PTPRD: variants seen among roughly 807,000 people sequenced by gnomAD.
PTPRD encodes the protein receptor-type tyrosine-protein phosphatase delta.
Under a neutral mutation model 214.5 loss-of-function variants are expected in PTPRD, and 34 were observed. That is an observed-to-expected ratio of 0.16 (90% CI 0.12 to 0.21). PTPRD has a LOEUF of 0.21. Ranked by LOEUF, PTPRD falls within the 10% of genes least tolerant of loss-of-function variation. The probability of loss-of-function intolerance (pLI) is 1.00; values close to 1 mark genes in which losing one functional copy is unlikely to be tolerated. For synonymous variants in PTPRD, 1,128 were observed against 845.7 expected, an observed-to-expected ratio of 1.33 and a Z score of -5.79; for missense variants, 2,545 against 2,398.7, an observed-to-expected ratio of 1.06 and a Z score of -1.27.
intron 5 of PTPRD, among the ~76,000 whole-genome samples, chr9:9,828,427 C>G (rs1392789887): frequency 6.6e-6 from 1 of 152,106 alleles, no homozygotes; most frequent in South Asian, 2.1e-4. Context: ...TGCATGTTCT[C>G]ACTCATAGGT....
chr9:8,369,155 A>C (rs146500511), intron 39 of PTPRD, among the ~76,000 whole-genome samples: 3 of 152,182 alleles, frequency 2.0e-5, no homozygotes, highest in Admixed American at 6.5e-5. Flanking sequence ...TGAATGGAAC[A>C]TTAGAAGAAA....
intron 9 of PTPRD, among the ~76,000 whole-genome samples, chr9:9,348,246 C>G (rs947389335): frequency 3.9e-5 from 6 of 152,166 alleles, no homozygotes; most frequent in African/African-American, 1.4e-4. Flanking sequence ...TGGGTGATCT[C>G]AATTTACTTA....
At position 9,102,190 on chromosome 9, in the gene PTPRD, C is replaced by T. The variant is rs142932753; in HGVS notation, c.-143+81114G>A. ...TTTATAAATATGTAGGTTGTAGCTG[C>T]TCCATTATTTTTAATAGCTTTTCAT... On this transcript the variant is annotated intron_variant, in intron 10 of 45. Coordinates refer to ENST00000381196, the MANE Select transcript of PTPRD (RefSeq NM_002839.4). Among the ~76,000 whole-genome samples, 319 of 152,170 alleles carry T rather than the reference C, an allele frequency of 2.1e-3. 2 individuals are homozygous for T. The highest frequency in any genetic ancestry group is 3.5e-3 in the Non-Finnish European group (238 of 68,014).
intron 9 of PTPRD, among the ~76,000 whole-genome samples, chr9:9,269,025 T>A (rs1941573106): frequency 6.7e-6 from 1 of 149,318 alleles, no homozygotes. Context: ...CACATCAAGC[T>A]GAAAAGTTTC....
At chr9:9,957,317 A>G (rs934053292) in intron 4 of PTPRD, among the ~76,000 whole-genome samples, 4 of 152,154 alleles carry the variant, frequency 2.6e-5, no homozygotes, top group African/African-American at 9.6e-5. Flanking sequence ...TTAATGTACA[A>G]CCTAAAATTA....
intron 14 of PTPRD, among the ~76,000 whole-genome samples, chr9:8,567,454 T>C (rs1025972537): frequency 3.3e-5 from 5 of 152,188 alleles, no homozygotes; most frequent in African/African-American, 1.2e-4. Flanking sequence ...GCACATGTCC[T>C]TCTTCACTAA....
chr9:10,363,617 A>G (rs1379456953), intron 2 of PTPRD, among the ~76,000 whole-genome samples: 1 of 152,222 alleles, frequency 6.6e-6, no homozygotes, highest in Non-Finnish European at 1.5e-5. Flanking sequence ...ATATTTAACC[A>G]TTTGAAAAGG....
chr9:9,326,049 G>C (rs530837946), intron 9 of PTPRD, among the ~76,000 whole-genome samples: 3 of 152,114 alleles, frequency 2.0e-5, no homozygotes, highest in Admixed American at 6.6e-5. Flanking sequence ...AAGCCAACTC[G>C]ATCTTGGTGG....
chr9:8,452,333 ATT>A (rs2095992079), intron 33 of PTPRD, among the ~76,000 whole-genome samples: 1 of 152,228 alleles, frequency 6.6e-6, no homozygotes, highest in South Asian at 2.1e-4. Flanking sequence ...TGCTAGAATG[ATT>A]GTTTTCTAAC....
intron 2 of PTPRD, among the ~76,000 whole-genome samples, chr9:10,348,652 T>C (rs2154451740): frequency 6.6e-6 from 1 of 152,330 alleles, no homozygotes; most frequent in East Asian, 1.9e-4. Flanking sequence ...CATATAACAT[T>C]TGTTACGTTA....
chr9:9,599,270 C>A (rs2093586036), intron 7 of PTPRD, among the ~76,000 whole-genome samples: 1 of 152,030 alleles, frequency 6.6e-6, no homozygotes, highest in Admixed American at 6.6e-5. Flanking sequence ...TCTTCCGATG[C>A]TCGTTAGGAA....
chr9:8,437,474 T>C lies in PTPRD; in HGVS notation c.3989-785A>G, dbSNP rs954768964. 3.3e-5 allele frequency among the ~76,000 whole-genome samples: 5 copies of C among 152,150 alleles called. 1 individual carries two copies. The highest frequency in any genetic ancestry group is 4.8e-5 in the African/African-American group (2 of 41,446). On this transcript the variant is annotated intron_variant, in intron 34 of 45. Transcript: ENST00000381196. ...GCAAACACAGACACAAAGAATGACA[T>C]GCACCACGACTCACTGACGATAATC...
chr9:9,375,413 T>C (rs10119934), intron 9 of PTPRD, among the ~76,000 whole-genome samples: 3,778 of 152,144 alleles, frequency 0.025, 139 homozygotes, highest in African/African-American at 0.085. Flanking sequence ...CTGACCAACA[T>C]GGTGAAACCC....
intron 3 of PTPRD, among the ~76,000 whole-genome samples, chr9:10,310,361 A>T (rs896027449): frequency 1.3e-5 from 2 of 152,098 alleles, no homozygotes; most frequent in Non-Finnish European, 2.9e-5. Context: ...CAAAAATGGA[A>T]AACATGATTT....
At chr9:8,572,033 A>G (rs780941578) in intron 14 of PTPRD, among the ~76,000 whole-genome samples, 3 of 152,122 alleles carry the variant, frequency 2.0e-5, no homozygotes, top group African/African-American at 4.8e-5. Flanking sequence ...TAAAGCCAAA[A>G]TGTGGCAACT....
chr9:8,340,599 CCTG>C, intron 41 of PTPRD, 130 bp from the exon 42 acceptor site: 1 of 896,130 alleles, frequency 1.1e-6, no homozygotes, highest in Admixed American at 3.2e-5. Flanking sequence ...GAGGTAAATT[CCTG>C]CTAAGATTAA....
At chr9:9,244,158 C>T (rs1322215926) in intron 9 of PTPRD, among the ~76,000 whole-genome samples, 1 of 152,158 alleles carries the variant, frequency 6.6e-6, no homozygotes, top group Admixed American at 6.5e-5. Context: ...AATGGAAGAA[C>T]ATTCCATGCT....
intron 3 of PTPRD, among the ~76,000 whole-genome samples, chr9:10,317,036 C>T (rs1334573551): frequency 6.6e-6 from 1 of 151,878 alleles, no homozygotes; most frequent in Non-Finnish European, 1.5e-5. Context: ...ACAGAGATCC[C>T]TATTAGTTTG....
intron 3 of PTPRD, among the ~76,000 whole-genome samples, chr9:10,041,292 G>T (rs1157789251): frequency 3.3e-5 from 5 of 151,862 alleles, no homozygotes; most frequent in Admixed American, 1.3e-4. Flanking sequence ...CCTTGAAGAG[G>T]TTTCAATTTT....
Sources: allele counts gnomAD v4.1 joint callset (sites outside exome capture counted in the v4.1 genomes callset), GRCh38; gene constraint gnomAD v4.1.1; transcripts MANE v1.5; gene names NCBI Gene and HGNC (gene_info 2026-07-23, HGNC 2026-07-21).